The following TSC22D1 variants were observed in gnomAD, a reference collection of about 807,000 sequenced individuals.
TSC22D1 encodes TSC22 domain family protein 1.
Under a neutral mutation model 74.2 loss-of-function variants are expected in TSC22D1, and 9 were observed. The ratio of observed to expected loss-of-function variants is 0.12; its 90% confidence interval spans 0.07 to 0.21. The LOEUF is 0.21. TSC22D1 is among the 10% of genes least tolerant of loss of function. TSC22D1 has a pLI of 1.00. For missense variants in TSC22D1, 1,427 were observed against 1,304.7 expected, an observed-to-expected ratio of 1.09 and a Z score of -1.44; for synonymous variants, 586 against 492.5, an observed-to-expected ratio of 1.19 and a Z score of -2.51.
chr13:44,515,439 A>G (rs1276598468), intron 1 of TSC22D1, among the ~76,000 whole-genome samples: 2 of 151,974 alleles, frequency 1.3e-5, no homozygotes, highest in East Asian at 1.9e-4. Context: ...TTTAAGTGAA[A>G]AAAATCTTTT....
At position 44,454,426 on chromosome 13, in the gene TSC22D1, C is replaced by T. The variant is rs78591844; in HGVS notation, c.2913-18331G>A. On this transcript the variant is annotated intron_variant, in intron 1 of 2. Coordinates refer to ENST00000458659, the MANE Select transcript of TSC22D1 (RefSeq NM_183422.4). ...GGAAGTATAACGGTAGAACAAACAC[C>T]CACAAACTGCCCCCCGCTAAACTAA... Among the ~76,000 whole-genome samples, 559 of 151,996 alleles carry T rather than the reference C, an allele frequency of 3.7e-3. 10 individuals are homozygous for T. The East Asian group carries it at 0.057, about 15-fold the overall frequency.
Position 44,527,792 on chromosome 13 carries a change from T to A in TSC22D1, c.2912+45371A>T, listed in dbSNP as rs989781588. 3.3e-5 allele frequency among the ~76,000 whole-genome samples: 5 copies of A among 152,172 alleles called. No individual in the cohort carries two copies. The East Asian group carries it at 5.8e-4, about 18-fold the overall frequency. ...CAACAAGATCCGACTGTACACTATATGTTGGCTACAAGAAACCCATTTTAA... is the reference window on the plus strand; with the variant it reads ...CAACAAGATCCGACTGTACACTATAAGTTGGCTACAAGAAACCCATTTTAA... On this transcript the variant is annotated intron_variant, in intron 1 of 2. Transcript: ENST00000458659.
chr13:44,528,134 T>A (rs1880640584), intron 1 of TSC22D1, among the ~76,000 whole-genome samples: 1 of 151,988 alleles, frequency 6.6e-6, no homozygotes, highest in Non-Finnish European at 1.5e-5. Flanking sequence ...AATTGACAGA[T>A]CCAGAAGGCA....
At chr13:44,546,620 G>C (rs1446892842) in intron 1 of TSC22D1, among the ~76,000 whole-genome samples, 1 of 152,090 alleles carries the variant, frequency 6.6e-6, no homozygotes, top group Non-Finnish European at 1.5e-5. Context: ...TCATTTAGTA[G>C]ACAAGGTCAA....
chr13:44,535,597 TG>T (rs1881089964), intron 1 of TSC22D1, among the ~76,000 whole-genome samples: 1 of 151,904 alleles, frequency 6.6e-6, no homozygotes, highest in South Asian at 2.1e-4. Context: ...CTGCTTGTCA[TG>T]TTTTTTTAAA....
At chr13:44,448,246 G>C (rs1432581967) in intron 1 of TSC22D1, among the ~76,000 whole-genome samples, 2 of 152,116 alleles carry the variant, frequency 1.3e-5, no homozygotes, top group Non-Finnish European at 2.9e-5. Flanking sequence ...ATGAAAAATA[G>C]ATGCTTTGAG....
intron 1 of TSC22D1, among the ~76,000 whole-genome samples, chr13:44,525,115 G>T (rs141408945): frequency 5.3e-5 from 8 of 152,204 alleles, no homozygotes; most frequent in African/African-American, 1.7e-4. Flanking sequence ...TCCACCTAAG[G>T]GGGGTAAAAA....
At position 44,576,269 on chromosome 13, in the gene TSC22D1, G is replaced by A. The variant is rs527536813; in HGVS notation, c.-195C>T. The A allele has an allele frequency of 3.9e-6, 3 of 770,322 alleles. No individual in the cohort carries two copies. The highest frequency in any genetic ancestry group is 6.0e-6 in the Non-Finnish European group (3 of 500,706). 47.7% of individuals were successfully genotyped at this position (770,322 alleles called of 1,614,324 possible). A position where few individuals can be genotyped will look rare whatever the true frequency, so the allele number is the denominator to read the frequency against. On this transcript the variant is annotated 5_prime_UTR_variant, in exon 1 of 3. Coordinates refer to ENST00000458659, the MANE Select transcript of TSC22D1 (RefSeq NM_183422.4). ...GAGCTTCGGAAAGGAGGATGAACGA[G>A]GGTGAACAGGGCGGCCGGGGACCCG... is the stretch of plus-strand genomic sequence containing the variant.
intron 1 of TSC22D1, among the ~76,000 whole-genome samples, chr13:44,479,406 C>T (rs9533872): frequency 0.12 from 17,419 of 150,774 alleles, 1,037 homozygotes; most frequent in Non-Finnish European, 0.13. Context: ...CTTCTTCCAG[C>T]GTGGCCCAGG....
intron 1 of TSC22D1, among the ~76,000 whole-genome samples, chr13:44,469,953 A>AG (rs1200249936): frequency 2.0e-5 from 3 of 152,090 alleles, no homozygotes; most frequent in Admixed American, 1.3e-4. Context: ...ATTTAAGATG[A>AG]GGGGGGAAAT....
chr13:44,553,487 A>C (rs1416060304), intron 1 of TSC22D1, among the ~76,000 whole-genome samples: 1 of 152,246 alleles, frequency 6.6e-6, no homozygotes, highest in East Asian at 1.9e-4. Flanking sequence ...AAACAGCTTA[A>C]TCCCATTCAT....
At chr13:44,478,582 ATT>A (rs1161114086) in intron 1 of TSC22D1, among the ~76,000 whole-genome samples, 1 of 152,136 alleles carries the variant, frequency 6.6e-6, no homozygotes, top group East Asian at 1.9e-4. Context: ...GGGTATTTGA[ATT>A]TTTTCACATT....
chr13:44,560,832 C>G (rs532004839), intron 1 of TSC22D1, among the ~76,000 whole-genome samples: 4 of 152,170 alleles, frequency 2.6e-5, no homozygotes, highest in Admixed American at 2.6e-4. Context: ...AGCAAATATT[C>G]AATATCCTAT....
At chr13:44,443,686 A>G (rs1875386078) in intron 1 of TSC22D1, among the ~76,000 whole-genome samples, 1 of 152,158 alleles carries the variant, frequency 6.6e-6, no homozygotes, top group Non-Finnish European at 1.5e-5. Context: ...GGCTCTGTCT[A>G]TAATAATCAT....
At chr13:44,546,936 A>G (rs1404854245) in intron 1 of TSC22D1, among the ~76,000 whole-genome samples, 2 of 152,012 alleles carry the variant, frequency 1.3e-5, no homozygotes, top group East Asian at 1.9e-4. Flanking sequence ...ATGCTTGGCT[A>G]ATTTTTGTAG....
At chr13:44,472,406 C>T (rs1393934238) in intron 1 of TSC22D1, among the ~76,000 whole-genome samples, 1 of 152,098 alleles carries the variant, frequency 6.6e-6, no homozygotes, top group Non-Finnish European at 1.5e-5. Flanking sequence ...TTACTTTGCA[C>T]ACTGGTATCA....
intron 1 of TSC22D1, among the ~76,000 whole-genome samples, chr13:44,572,639 G>A (rs1050059946): frequency 1.3e-5 from 2 of 152,158 alleles, no homozygotes; most frequent in Non-Finnish European, 1.5e-5. Flanking sequence ...GTTGGAGTAT[G>A]AGGGCAACCT....
chr13:44,572,000 A>T (rs1266898170), intron 1 of TSC22D1, among the ~76,000 whole-genome samples: 1 of 152,188 alleles, frequency 6.6e-6, no homozygotes, highest in Non-Finnish European at 1.5e-5. Context: ...AAAACCCACA[A>T]ACATACATAT....
intron 1 of TSC22D1, among the ~76,000 whole-genome samples, chr13:44,525,399 AAC>A (rs1880500515): frequency 6.6e-6 from 1 of 152,096 alleles, no homozygotes; most frequent in East Asian, 1.9e-4. Flanking sequence ...CCAGCCTAGC[AAC>A]ACAGTGAGCC....
Sources: gnomAD v4.1 joint callset for allele counts (sites outside exome capture counted in the v4.1 genomes callset) on GRCh38, gnomAD v4.1.1 for gene constraint, MANE v1.5 for transcripts, NCBI Gene and HGNC (gene_info 2026-07-23, HGNC 2026-07-21) for gene names.